MEX3C: variants seen among roughly 807,000 people sequenced by gnomAD.
MEX3C encodes mex-3 RNA binding family member C, also known as RNA-binding E3 ubiquitin-protein ligase MEX3C.
MEX3C carries 15 observed loss-of-function variants against 35.5 expected under a neutral mutation model. That is an observed-to-expected ratio of 0.42 (90% CI 0.28 to 0.65). The LOEUF (loss-of-function observed/expected upper bound fraction) is 0.65, where lower values mean the gene tolerates loss of function less well. Ranked by LOEUF, MEX3C falls within the 30% of genes least tolerant of loss-of-function variation. MEX3C has a pLI of 0.20. For missense variants in MEX3C, 711 were observed against 842.8 expected (o/e 0.84, Z 1.94); for synonymous variants, 390 against 352.8 (o/e 1.11, Z -1.18).
At chr18:51,182,155 T>A (rs1409526080) in intron 1 of MEX3C, among the ~76,000 whole-genome samples, 1 of 152,224 alleles carries the variant, frequency 6.6e-6, no homozygotes, top group African/African-American at 2.4e-5. Flanking sequence ...TGTTAATCTC[T>A]TACTCTGTCT....
At chr18:51,196,281 G>T in intron 1 of MEX3C, 1 of 571,888 alleles carries the variant, frequency 1.7e-6, no homozygotes, top group South Asian at 2.6e-5. Flanking sequence ...CTGGTGCCAC[G>T]CCAGCCTGGT....
rs1912845168 is a variant in MEX3C at position 51,197,452 on chromosome 18, G to A, written c.-132C>T. ...TTCCTCTGGGGAGGCGGCGGGGCTGGGGACCCGGGCCGAGGAGCGCCAGGG... is the reference window on the plus strand; with the variant it reads ...TTCCTCTGGGGAGGCGGCGGGGCTGAGGACCCGGGCCGAGGAGCGCCAGGG... On this transcript the variant is annotated 5_prime_UTR_variant, in exon 1 of 2. Transcript: ENST00000406189. 1 of 154,694 alleles carries A rather than the reference G, an allele frequency of 6.5e-6. No individual in the cohort carries two copies. Among genetic ancestry groups the A allele is most frequent in the Non-Finnish European group, 1.4e-5 (1 of 70,178 alleles). 9.6% of individuals were successfully genotyped at this position (154,694 alleles called of 1,614,324 possible).
Position 51,196,743 on chromosome 18 carries a change from G to A in MEX3C, c.578C>T (p.Ala193Val). The A allele has an allele frequency of 1.3e-6, 2 of 1,520,082 alleles. No individual in the cohort carries two copies. The highest frequency in any genetic ancestry group is 1.8e-6 in the Non-Finnish European group (2 of 1,135,008). The allele number at this position is 1,520,082 out of a possible 1,614,324, so 94.2% of individuals were successfully genotyped here. A position where few individuals can be genotyped will look rare whatever the true frequency, so the allele number is the denominator to read the frequency against. The change falls in exon 1 of 2, where the codon GCC becomes GTC. Residue 193 changes from alanine (A) to valine (V), a missense_variant. By Grantham distance (64) the Ala-to-Val change is moderately conservative. This residue lies in a region of MEX3C where 354 missense variants were observed against 311.6 expected (regional missense o/e 1.14). Coordinates refer to ENST00000406189, the MANE Select transcript of MEX3C (RefSeq NM_016626.5). ...CAGCATCGCCGCCATCATGCCCTGG[G>A]CATCGTCCCCTCCGTACAGCACCCC... ...AAGVLYGGDDAQGMMAAMLSH... is the reference protein window; with the variant it reads ...AAGVLYGGDDVQGMMAAMLSH...
At chr18:51,193,168 T>C (rs995111776) in intron 1 of MEX3C, 3 of 152,182 alleles carry the variant, frequency 2.0e-5, no homozygotes, top group African/African-American at 7.2e-5. Context: ...TATTCATACA[T>C]AAATATCCAG....
At chr18:51,181,487 TAACAAA>T (rs1385936587) in intron 1 of MEX3C, among the ~76,000 whole-genome samples, 1 of 135,516 alleles carries the variant, frequency 7.4e-6, no homozygotes, top group Non-Finnish European at 1.6e-5. Context: ...GATTGTCAAA[TAACAAA>T]AACCTTACAA....
intron 1 of MEX3C, 112 bp downstream of exon 1, chr18:51,196,455 T>G: frequency 6.8e-7 from 1 of 1,464,986 alleles, no homozygotes; most frequent in Non-Finnish European, 9.0e-7. Flanking sequence ...CCCTTCGCGG[T>G]GGACTTGGGG....
At chr18:51,181,651 C>CA (rs1321436578) in intron 1 of MEX3C, among the ~76,000 whole-genome samples, 2 of 152,116 alleles carry the variant, frequency 1.3e-5, no homozygotes, top group Non-Finnish European at 2.9e-5. Context: ...AATATGTGCA[C>CA]AAGTGCAAAA....
rs1447810769 is a variant in MEX3C at position 51,177,706 on chromosome 18, T to G, written c.755-130A>C. 1.1e-5 allele frequency: 12 copies of G among 1,079,276 alleles called. No individual in the cohort carries two copies. The highest frequency in any genetic ancestry group is 1.5e-5 in the Non-Finnish European group (12 of 777,800). The allele number at this position is 1,079,276 out of a possible 1,614,324, so 66.9% of individuals were successfully genotyped here. ...TAAGTTTTAGAGTTTTTCACATAGC[T>G]AGGAAGTGGCAGAGCCAGAAGTAAA... On this transcript the variant is annotated intron_variant, in intron 1 of 1. Coordinates refer to ENST00000406189, the MANE Select transcript of MEX3C (RefSeq NM_016626.5). This position sits in a 1 kb window ranked among gnomAD's most constrained non-coding sequence, Gnocchi z 4.2.
chr18:51,190,275 TAGAA>T, intron 1 of MEX3C, among the ~76,000 whole-genome samples: 1 of 151,944 alleles, frequency 6.6e-6, no homozygotes, highest in Admixed American at 6.6e-5. Context: ...ATGGCACTGG[TAGAA>T]AGGCAGAAGA....
rs1912282509 is a variant in MEX3C, at chr18:51,175,560, T to C, written c.*791A>G. On this transcript the variant is annotated 3_prime_UTR_variant, in exon 2 of 2. Transcript: ENST00000406189. ...AAAATTAACAGCTCGATCACACTAA[T>C]GAATGGAATGTTTGCATCCTCAATT... is the stretch of plus-strand genomic sequence containing the variant. 1 of 152,666 alleles carries C rather than the reference T, an allele frequency of 6.6e-6. No individual in the cohort carries two copies. Among genetic ancestry groups the C allele is most frequent in the South Asian group, 2.1e-4 (1 of 4,834 alleles). The allele number at this position is 152,666 out of a possible 1,614,324, so 9.5% of individuals were successfully genotyped here.
intron 1 of MEX3C, among the ~76,000 whole-genome samples, chr18:51,188,326 T>C (rs191739224): frequency 6.6e-5 from 10 of 152,242 alleles, no homozygotes; most frequent in Non-Finnish European, 1.3e-4. Context: ...GTTTGGCCAG[T>C]TGTGGTGACT....
Position 51,177,367 on chromosome 18 carries a change from T to A in MEX3C, c.964A>T (p.Asn322Tyr), listed in dbSNP as rs1485316424. Residue 322 changes from asparagine to tyrosine, a missense_variant, in exon 2 of 2, where the codon AAT becomes TAT. By Grantham distance (143) the Asn-to-Tyr change is moderately radical (BLOSUM62 -2). This residue lies in a region of MEX3C where 83 missense variants were observed against 179.1 expected (regional missense o/e 0.46). Transcript: ENST00000406189. The surrounding 1 kb of genome is among the most constrained non-coding windows in gnomAD (Gnocchi z 4.2). ...TGGACGGTGGTTTGACCGGGCAGAT[T>A]AGGACTACATGATAATCCTCCCAGG... ...PALGGLSCSP[N>Y]LPGQTTVQVR... is the part of the protein sequence containing the mutation. 1 of 1,613,950 alleles carries A rather than the reference T, an allele frequency of 6.2e-7. No individual in the cohort carries two copies. Among genetic ancestry groups the A allele is most frequent in the South Asian group, 1.1e-5 (1 of 91,068 alleles).
intron 1 of MEX3C, among the ~76,000 whole-genome samples, chr18:51,187,672 C>T (rs1912569527): frequency 6.6e-6 from 1 of 151,994 alleles, no homozygotes; most frequent in Non-Finnish European, 1.5e-5. Context: ...CACACTACTG[C>T]ACTCCAGCCT....
In MEX3C at chr18:51,197,216, GGGCGGCGGCAGAGGC is replaced by G; in HGVS notation, c.90_104del (p.Pro31_Pro35del). The G allele has an allele frequency of 9.9e-7, 1 of 1,005,664 alleles. No homozygotes were observed. Among genetic ancestry groups the G allele is most frequent in the Non-Finnish European group, 1.2e-6 (1 of 845,690 alleles). The allele number at this position is 1,005,664 out of a possible 1,614,324, so 62.3% of individuals were successfully genotyped here. ...CCCCCTCGAGCTCCGGGCCGCCCGA[GGGCGGCGGCAGAGGC>G]GGCGGTGGCGGCGGCGGCGGCGGGG... On this transcript the variant is annotated inframe_deletion, in exon 1 of 2. Coordinates refer to ENST00000406189, the MANE Select transcript of MEX3C (RefSeq NM_016626.5).
In MEX3C at chr18:51,196,806, A is replaced by G; in HGVS notation, c.515T>C (p.Phe172Ser). The change falls in exon 1 of 2, where the codon TTC (phenylalanine) becomes TCC (serine). Residue 172 changes from phenylalanine to serine, a missense_variant. Transcript: ENST00000406189. Reference protein sequence around the residue: ...LGSVLLPAARFDAREAAAAAA... With the variant: ...LGSVLLPAARSDAREAAAAAA... ...CGCGGCCGCCGCCTCCCGGGCATCGAACCTGGCGGCTGGCAGCAGCACAGA... is the reference window on the plus strand; with the variant it reads ...CGCGGCCGCCGCCTCCCGGGCATCGGACCTGGCGGCTGGCAGCAGCACAGA... 6.5e-7 allele frequency: 1 copy of G among 1,531,688 alleles called. No individual in the cohort carries two copies. Among genetic ancestry groups the G allele is most frequent in the South Asian group, 1.2e-5 (1 of 83,600 alleles). The allele number at this position is 1,531,688 out of a possible 1,614,324, so 94.9% of individuals were successfully genotyped here.
At chr18:51,192,336 C>G (rs192266463) in intron 1 of MEX3C, among the ~76,000 whole-genome samples, 1 of 152,056 alleles carries the variant, frequency 6.6e-6, no homozygotes, top group Non-Finnish European at 1.5e-5. Context: ...GTAACTGAAC[C>G]CTTCTCAAGG....
intron 1 of MEX3C, among the ~76,000 whole-genome samples, chr18:51,184,638 C>T (rs1912497426): frequency 6.6e-6 from 1 of 152,150 alleles, no homozygotes. Context: ...GGGAGGATCA[C>T]TTGAGTTCAG....
At chr18:51,179,667 A>G (rs374898643) in intron 1 of MEX3C, among the ~76,000 whole-genome samples, 3 of 152,224 alleles carry the variant, frequency 2.0e-5, no homozygotes, top group South Asian at 2.1e-4. Flanking sequence ...TTTGTTCTAC[A>G]ACAGAAAATC....
chr18:51,186,134 A>G (rs1053011568), intron 1 of MEX3C, among the ~76,000 whole-genome samples: 35 of 152,146 alleles, frequency 2.3e-4, no homozygotes, highest in Non-Finnish European at 2.9e-5. Context: ...CTAATACCTG[A>G]ACTTACCCAT....
Sources: gnomAD v4.1 joint callset for allele counts (sites outside exome capture counted in the v4.1 genomes callset) on GRCh38, gnomAD v4.1.1 for gene constraint, gnomAD v4.1.1 regional missense constraint, Gnocchi (gnomAD v3.1) non-coding constraint, MANE v1.5 for transcripts, NCBI Gene and HGNC (gene_info 2026-07-23, HGNC 2026-07-21) for gene names.